Variants in NREP observed in about 807,000 individuals in gnomAD.
NREP encodes neuronal regeneration-related protein.
A neutral mutation model predicts 8.6 loss-of-function variants in NREP; 5 were observed. The observed-to-expected ratio is 0.58, with a 90% CI of 0.30 to 1.22. The LOEUF (loss-of-function observed/expected upper bound fraction) is 1.22. Ranked by LOEUF, NREP falls within the 50% of genes most tolerant of loss-of-function variation. NREP has a pLI of 0.07. For synonymous variants in NREP, 27 were observed against 28.0 expected, an observed-to-expected ratio of 0.96 and a Z score of 0.11; for missense variants, 86 against 82.5, an observed-to-expected ratio of 1.04 and a Z score of -0.17.
chr5:111,850,687 G>A (rs1483668553), intron 2 of NREP, among the ~76,000 whole-genome samples: 1 of 152,072 alleles, frequency 6.6e-6, no homozygotes, highest in Non-Finnish European at 1.5e-5. Flanking sequence ...GAGCCTGCTA[G>A]CTGAGTCTCC....
chr5:111,862,949 G>T (rs181868634), intron 2 of NREP, among the ~76,000 whole-genome samples: 196 of 150,170 alleles, frequency 1.3e-3, no homozygotes, highest in African/African-American at 4.7e-3. Flanking sequence ...ATCAGCTAGG[G>T]CATTAAAAGA....
intron 2 of NREP, among the ~76,000 whole-genome samples, chr5:111,906,086 A>G (rs1207483667): frequency 6.6e-6 from 1 of 152,126 alleles, no homozygotes; most frequent in African/African-American, 2.4e-5. Context: ...TCTTCTAAGT[A>G]TAAAACATTT....
intron 2 of NREP, among the ~76,000 whole-genome samples, chr5:111,881,974 G>C (rs952974978): frequency 6.6e-6 from 1 of 152,206 alleles, no homozygotes; most frequent in African/African-American, 2.4e-5. Flanking sequence ...AACAAAGCTG[G>C]ACAGAGAATG....
At chr5:111,821,326 G>A (rs545768317) in intron 2 of NREP, among the ~76,000 whole-genome samples, 2 of 151,566 alleles carry the variant, frequency 1.3e-5, no homozygotes, top group East Asian at 3.9e-4. Flanking sequence ...TGTAGCTCCA[G>A]ACACAAATAT....
intron 2 of NREP, among the ~76,000 whole-genome samples, chr5:111,770,715 G>A (rs1751199672): frequency 6.6e-6 from 1 of 151,520 alleles, no homozygotes; most frequent in Non-Finnish European, 1.5e-5. Flanking sequence ...GACTACACAT[G>A]CGCGCCACCA....
chr5:111,864,296 T>A (rs1409257513), intron 2 of NREP, among the ~76,000 whole-genome samples: 2 of 152,174 alleles, frequency 1.3e-5, no homozygotes. Context: ...ACTTTTAATG[T>A]AATGTTGTGG....
At chr5:111,873,092 A>G (rs1349150161) in intron 2 of NREP, among the ~76,000 whole-genome samples, 4 of 152,134 alleles carry the variant, frequency 2.6e-5, no homozygotes, top group Non-Finnish European at 5.9e-5. Flanking sequence ...AAAAATACCT[A>G]CCTCAATTGC....
At chr5:111,773,736 C>T (rs997798452) in intron 2 of NREP, among the ~76,000 whole-genome samples, 1 of 152,084 alleles carries the variant, frequency 6.6e-6, no homozygotes, top group Non-Finnish European at 1.5e-5. Context: ...TTTCTCTGTT[C>T]AAAAATATAA....
chr5:111,826,513 A>G (rs1165162689), intron 2 of NREP, among the ~76,000 whole-genome samples: 7 of 152,200 alleles, frequency 4.6e-5, no homozygotes, highest in African/African-American at 1.4e-4. Flanking sequence ...CACCAGAAGG[A>G]AGAAACTCCA....
intron 2 of NREP, among the ~76,000 whole-genome samples, chr5:111,806,861 T>G (rs1752155881): frequency 6.6e-6 from 1 of 152,058 alleles, no homozygotes; most frequent in Non-Finnish European, 1.5e-5. Context: ...GTGAGTGTAC[T>G]TTACTAACAG....
intron 2 of NREP, among the ~76,000 whole-genome samples, chr5:111,741,711 C>T (rs1057108869): frequency 1.3e-5 from 2 of 152,038 alleles, no homozygotes; most frequent in African/African-American, 2.4e-5. Context: ...AGATGATGTA[C>T]GTAACCTCTG....
intron 2 of NREP, among the ~76,000 whole-genome samples, chr5:111,893,892 G>A (rs980697066): frequency 6.6e-6 from 1 of 151,866 alleles, no homozygotes; most frequent in Non-Finnish European, 1.5e-5. Context: ...ACTATGAATT[G>A]CTTTATTTTG....
rs200479987 is a variant in NREP, at chr5:111,847,222, G to A, written c.136-111715C>T. Among the ~76,000 whole-genome samples, 10 of 152,102 alleles carry A rather than the reference G, an allele frequency of 6.6e-5. 1 individual carries two copies. In the South Asian group the frequency reaches 8.3e-4, roughly 13 times the overall value. On this transcript the variant is annotated intron_variant, in intron 2 of 3. Coordinates refer to the NREP transcript ENST00000395634. ...TTTCTGACAGTTCTAGAGACTGGAA[G>A]TACAAGATCAAGCTGCCGAACGGTT...
intron 2 of NREP, among the ~76,000 whole-genome samples, chr5:111,905,075 G>C (rs1739379892): frequency 6.6e-6 from 1 of 152,048 alleles, no homozygotes; most frequent in South Asian, 2.1e-4. Flanking sequence ...TAATCACTCT[G>C]TAAATTCCCT....
At chr5:111,794,612 T>A (rs548641158) in intron 2 of NREP, among the ~76,000 whole-genome samples, 1 of 152,114 alleles carries the variant, frequency 6.6e-6, no homozygotes, top group African/African-American at 2.4e-5. Context: ...CTACATGACA[T>A]TCTGGAGAAG....
intron 2 of NREP, among the ~76,000 whole-genome samples, chr5:111,876,712 C>G (rs1753918711): frequency 6.6e-6 from 1 of 152,190 alleles, no homozygotes. Context: ...CTATGCATAT[C>G]CATAACATTA....
chr5:111,895,298 G>C (rs1035016953), intron 2 of NREP, among the ~76,000 whole-genome samples: 3 of 152,162 alleles, frequency 2.0e-5, no homozygotes, highest in Non-Finnish European at 2.9e-5. Context: ...ACGGGGAAGG[G>C]ACAGACAAAA....
chr5:111,736,098 G>T (rs1021314202), intron 2 of NREP, among the ~76,000 whole-genome samples: 2 of 152,046 alleles, frequency 1.3e-5, no homozygotes, highest in African/African-American at 2.4e-5. Flanking sequence ...GTGGTGGGAG[G>T]GGGTGGAGCG....
chr5:111,869,162 T>C (rs985465354), intron 2 of NREP, among the ~76,000 whole-genome samples: 1 of 152,194 alleles, frequency 6.6e-6, no homozygotes, highest in African/African-American at 2.4e-5. Flanking sequence ...TGCTTATGTC[T>C]CATACAGATA....
Sources: gnomAD v4.1 joint callset for allele counts (sites outside exome capture counted in the v4.1 genomes callset) on GRCh38, gnomAD v4.1.1 for gene constraint, MANE v1.5 for transcripts, NCBI Gene and HGNC (gene_info 2026-07-23, HGNC 2026-07-21) for gene names.